C1orf174: variants seen among roughly 807,000 people sequenced by gnomAD.
C1orf174 encodes UPF0688 protein C1orf174.
C1orf174 carries 13 observed loss-of-function variants against 18.4 expected under a neutral mutation model. The observed-to-expected ratio is 0.71, with a 90% CI of 0.46 to 1.12. C1orf174 has a LOEUF of 1.12. Among genes scored for constraint, C1orf174 ranks in the 50% most tolerant of loss-of-function variants. The pLI, the probability that C1orf174 is intolerant of heterozygous loss-of-function variation, is 0.00. For missense variants in C1orf174, 309 were observed against 308.0 expected (o/e 1.00, Z -0.02); for synonymous variants, 100 against 118.3 (o/e 0.85, Z 1.01).
chr1:3,899,084 C>G (rs967808561), intron 1 of C1orf174, among the ~76,000 whole-genome samples: 9 of 152,206 alleles, frequency 5.9e-5, no homozygotes, highest in Admixed American at 3.9e-4. Flanking sequence ...TAAAATGCTA[C>G]ATTAGGAAAT....
intron 1 of C1orf174, among the ~76,000 whole-genome samples, chr1:3,899,456 C>T (rs531549296): frequency 5.3e-5 from 8 of 152,186 alleles, no homozygotes; most frequent in Non-Finnish European, 1.2e-4. Context: ...TTCGCCTTAA[C>T]TGTTACACCC....
chr1:3,900,231 G>T lies in C1orf174; in HGVS notation c.-45C>A. ...AAGCACCGCGCGCCCCGGCCAACGCGTCCCGGCGGAGCGGCGACCCGGAGT... is the reference window on the plus strand; with the variant it reads ...AAGCACCGCGCGCCCCGGCCAACGCTTCCCGGCGGAGCGGCGACCCGGAGT... On this transcript the variant is annotated 5_prime_UTR_variant, in exon 1 of 4. Coordinates refer to ENST00000361605, the MANE Select transcript of C1orf174 (RefSeq NM_207356.3). The T allele has an allele frequency of 1.3e-6, 2 of 1,546,692 alleles. No individual in the cohort carries two copies. Among genetic ancestry groups the T allele is most frequent in the East Asian group, 2.5e-5 (1 of 40,192 alleles).
chr1:3,891,534 C>T (rs751596207), intron 2 of C1orf174: 272 of 953,204 alleles, frequency 2.9e-4, no homozygotes, highest in Non-Finnish European at 3.3e-4. Flanking sequence ...TTACCAAGCA[C>T]CTCATCATGA....
chr1:3,899,517 T>G (rs1224242240), intron 1 of C1orf174, among the ~76,000 whole-genome samples: 1 of 151,004 alleles, frequency 6.6e-6, no homozygotes, highest in Non-Finnish European at 1.5e-5. Context: ...CCTTCAATCC[T>G]CACCACCCTC....
Position 3,890,993 on chromosome 1 carries a change from T to C in C1orf174, c.194A>G (p.His65Arg). ...TSKKFKCDKG[H>R]LVKSELQKLV... Reference sequence around the variant, plus strand: ...CTTCTGTAATTCTGACTTCACAAGATGTCCTTTGTCACATTTGAACTTCTT... The same window carrying C: ...CTTCTGTAATTCTGACTTCACAAGACGTCCTTTGTCACATTTGAACTTCTT... Residue 65 changes from histidine to arginine, a missense_variant, in exon 3 of 4, where the codon CAT becomes CGT. Physicochemically the swap from His to Arg is conservative, Grantham distance 29. Coordinates refer to ENST00000361605, the MANE Select transcript of C1orf174 (RefSeq NM_207356.3). 6.2e-7 allele frequency: 1 copy of C among 1,614,234 alleles called. No individual in the cohort carries two copies. The highest frequency in any genetic ancestry group is 8.5e-7 in the Non-Finnish European group (1 of 1,180,046).
chr1:3,900,200 G>A lies in C1orf174; in HGVS notation c.-14C>T, dbSNP rs554781624. On this transcript the variant is annotated 5_prime_UTR_variant, in exon 1 of 4. Transcript: ENST00000361605. ...CCGGCTCCTCATGAGTGTGAGCACC[G>A]CAGCCAAGCACCGCGCGCCCCGGCC... 7.0e-6 allele frequency: 11 copies of A among 1,579,932 alleles called. No homozygotes were observed. In the East Asian group the frequency reaches 9.5e-5, roughly 14 times the overall value.
Position 3,890,030 on chromosome 1 carries a change from C to T in C1orf174, c.662G>A (p.Arg221Gln), listed in dbSNP as rs780671713. Residue 221 changes from arginine (R) to glutamine (Q), a missense_variant, in exon 4 of 4, where the codon CGA becomes CAA. By Grantham distance (43) the Arg-to-Gln change is conservative. Coordinates refer to ENST00000361605, the MANE Select transcript of C1orf174 (RefSeq NM_207356.3). ...ASSSCPSMSR[R>Q]EFRKMHFRAK... ...TCTGAAATGCATTTTTCTGAACTCT[C>T]GTCTGCTCATTGAAGGACAAGATGA... The T allele has an allele frequency of 9.9e-6, 16 of 1,614,078 alleles. No individual in the cohort carries two copies. The highest frequency in any genetic ancestry group is 8.0e-5 in the African/African-American group (6 of 74,926).
Position 3,889,677 on chromosome 1 carries a change from AAGAG to A in C1orf174, c.*279_*282del, listed in dbSNP as rs1171296479. ...GCCATTGCACTCCAGCCTGGGCGACAAGAGAGAAACTCTGTCTCCAAGGAAAAAA... is the reference window on the plus strand; with the variant it reads ...GCCATTGCACTCCAGCCTGGGCGACAAGAAACTCTGTCTCCAAGGAAAAAA... On this transcript the variant is annotated 3_prime_UTR_variant, in exon 4 of 4. Transcript: ENST00000361605. 1 of 273,182 alleles carries A rather than the reference AAGAG, an allele frequency of 3.7e-6. No homozygotes were observed. The highest frequency in any genetic ancestry group is 4.6e-5 in the Admixed American group (1 of 21,752). The allele number at this position is 273,182 out of a possible 1,614,324, so 16.9% of individuals were successfully genotyped here.
chr1:3,895,797 T>C (rs1271497457), intron 1 of C1orf174: 1 of 152,240 alleles, frequency 6.6e-6, no homozygotes, highest in Non-Finnish European at 1.5e-5. Flanking sequence ...TTCTCATCAT[T>C]GAGATTCTCC....
chr1:3,889,546 C>G lies in C1orf174; in HGVS notation c.*414G>C, dbSNP rs947342702. On this transcript the variant is annotated 3_prime_UTR_variant, in exon 4 of 4. Transcript: ENST00000361605. ...CCCGTGTCTACTAATAATACAAAAACTAGCTGGGTGTGGTGGTGTATGCCT... is the reference window on the plus strand; with the variant it reads ...CCCGTGTCTACTAATAATACAAAAAGTAGCTGGGTGTGGTGGTGTATGCCT... 1.2e-5 allele frequency: 2 copies of G among 160,754 alleles called. No homozygotes were observed. The highest frequency in any genetic ancestry group is 6.0e-5 in the Admixed American group (1 of 16,754). 10.0% of individuals were successfully genotyped at this position (160,754 alleles called of 1,614,324 possible).
rs1309604575 is a variant in C1orf174 at position 3,890,707 on chromosome 1, C to T, written c.480G>A (p.Gln160=). The T allele has an allele frequency of 1.9e-6, 3 of 1,614,158 alleles. No homozygotes were observed. Among genetic ancestry groups the T allele is most frequent in the Admixed American group, 3.3e-5 (2 of 60,022 alleles). Residue 160 remains glutamine, a synonymous_variant, in exon 3 of 4, where the codon CAG becomes CAA. Coordinates refer to ENST00000361605, the MANE Select transcript of C1orf174 (RefSeq NM_207356.3). ...AEESNSSSTV[Q]KQNEPGLQTE... ...TCTGTAGCCCTGGCTCATTCTGCTTCTGCACAGTGGAGCTGCTGTTGGATT... is the reference window on the plus strand; with the variant it reads ...TCTGTAGCCCTGGCTCATTCTGCTTTTGCACAGTGGAGCTGCTGTTGGATT...
chr1:3,891,157 A>C (rs922877365), intron 2 of C1orf174, 100 bp from the exon 3 acceptor site: 11 of 1,402,036 alleles, frequency 7.8e-6, no homozygotes, highest in Non-Finnish European at 9.6e-6. Context: ...GAAATGATAA[A>C]GATGCTGTGA....
chr1:3,894,068 C>T (rs926809814), intron 1 of C1orf174, among the ~76,000 whole-genome samples: 2 of 152,138 alleles, frequency 1.3e-5, no homozygotes, highest in African/African-American at 4.8e-5. Flanking sequence ...CTCCATGAAC[C>T]GTTTTTCTGT....
At chr1:3,890,452 A>C in intron 3 of C1orf174, 117 bp downstream of exon 3, 13 of 1,378,582 alleles carry the variant, frequency 9.4e-6, no homozygotes, top group Non-Finnish European at 1.3e-5. Flanking sequence ...TAAAATGATT[A>C]GTTTATGTTT....
intron 1 of C1orf174, among the ~76,000 whole-genome samples, chr1:3,897,939 A>G (rs1638636148): frequency 6.6e-6 from 1 of 152,164 alleles, no homozygotes; most frequent in Admixed American, 6.5e-5. Flanking sequence ...CTGGGATTAC[A>G]GGCGTGAGCC....
intron 1 of C1orf174, among the ~76,000 whole-genome samples, chr1:3,893,561 CTATT>C (rs1241019126): frequency 2.6e-5 from 4 of 152,234 alleles, no homozygotes; most frequent in Middle Eastern, 3.4e-3. Flanking sequence ...TTTAAAATAA[CTATT>C]TAGGAATAAT....
At chr1:3,897,604 T>G (rs970608189) in intron 1 of C1orf174, among the ~76,000 whole-genome samples, 1 of 152,142 alleles carries the variant, frequency 6.6e-6, no homozygotes, top group African/African-American at 2.4e-5. Context: ...AGAAAAAATA[T>G]TTGAAGAAAT....
chr1:3,899,899 G>A (rs2124790220), intron 1 of C1orf174, among the ~76,000 whole-genome samples: 1 of 151,914 alleles, frequency 6.6e-6, no homozygotes, highest in South Asian at 2.1e-4. Flanking sequence ...TGGGTAACCT[G>A]GGAGCCCCCT....
intron 2 of C1orf174, 111 bp from the exon 3 acceptor site, chr1:3,891,168 C>T: frequency 1.5e-6 from 2 of 1,333,350 alleles, no homozygotes; most frequent in South Asian, 1.4e-5. Context: ...GATGCTGTGA[C>T]CACAACTTTC....
Sources: gnomAD v4.1 joint callset for allele counts (sites outside exome capture counted in the v4.1 genomes callset) on GRCh38, gnomAD v4.1.1 for gene constraint, MANE v1.5 for transcripts, NCBI Gene and HGNC (gene_info 2026-07-23, HGNC 2026-07-21) for gene names.